The following BLZF1 variants were observed in gnomAD, a reference collection of about 807,000 sequenced individuals.
The protein encoded by BLZF1 is golgin-45.
BLZF1 carries 39 observed loss-of-function variants against 43.8 expected under a neutral mutation model. That is an observed-to-expected ratio of 0.89 (90% CI 0.69 to 1.16). BLZF1 has a LOEUF of 1.16. Ranked by LOEUF, BLZF1 falls within the 50% of genes most tolerant of loss-of-function variation. The pLI, the probability that BLZF1 is intolerant of heterozygous loss-of-function variation, is 0.00. For synonymous variants in BLZF1, 136 were observed against 159.4 expected (o/e 0.85, Z 1.11); for missense variants, 449 against 469.8 (o/e 0.96, Z 0.41).
chr1:169,372,256 G>C (rs555218840), intron 2 of BLZF1, among the ~76,000 whole-genome samples: 1 of 152,172 alleles, frequency 6.6e-6, no homozygotes, highest in Admixed American at 6.6e-5. Context: ...TCCCTAATTT[G>C]TTTAACTGTA....
chr1:169,378,899 G>A (rs959474962), intron 4 of BLZF1, among the ~76,000 whole-genome samples: 9 of 151,756 alleles, frequency 5.9e-5, no homozygotes, highest in African/African-American at 9.7e-5. Context: ...TTCTAAATGC[G>A]CTTTTCTCAT....
chr1:169,372,341 G>A (rs1267908907), intron 2 of BLZF1, among the ~76,000 whole-genome samples: 1 of 151,986 alleles, frequency 6.6e-6, no homozygotes, highest in African/African-American at 2.4e-5. Flanking sequence ...ATTTAGGGTA[G>A]AGGAAAAAAA....
rs372377326 is a variant in BLZF1, at chr1:169,376,545, G to A, written c.34G>A (p.Val12Ile). The A allele has an allele frequency of 1.6e-5, 26 of 1,589,986 alleles. No individual in the cohort carries two copies. Among genetic ancestry groups the A allele is most frequent in the Admixed American group, 1.1e-4 (6 of 53,580 alleles). The change falls in exon 3 of 7, where the codon GTT becomes ATT. Residue 12 changes from valine (V) to isoleucine (I), a missense_variant. By Grantham distance (29) the Val-to-Ile change is conservative. Coordinates refer to ENST00000367808, the MANE Select transcript of BLZF1 (RefSeq NM_001320973.2). ...TTKNLETKVT[V>I]TSSPIRGAGD... ...TTTTGTTTCCTTTTTGTTAGTCACC[G>A]TTACTTCATCCCCAATCCGAGGAGC...
intron 2 of BLZF1, among the ~76,000 whole-genome samples, chr1:169,370,310 G>A (rs540814807): frequency 6.6e-6 from 1 of 152,274 alleles, no homozygotes; most frequent in South Asian, 2.1e-4. Flanking sequence ...TGAGGTAGTG[G>A]GGGGTTAGTA....
intron 3 of BLZF1, chr1:169,377,437 CTT>C (rs923445659): frequency 1.9e-5 from 3 of 155,294 alleles, no homozygotes; most frequent in African/African-American, 7.2e-5. Flanking sequence ...AAGTGTGTTG[CTT>C]TAATCTTTGC....
At chr1:169,377,158 T>A in intron 3 of BLZF1, 179 bp downstream of exon 3, 1 of 625,600 alleles carries the variant, frequency 1.6e-6, no homozygotes, top group Non-Finnish European at 2.8e-6. Flanking sequence ...ATACTTTATA[T>A]TGGGAACTTA....
chr1:169,372,238 CAT>C (rs1352830617), intron 2 of BLZF1, among the ~76,000 whole-genome samples: 1 of 152,120 alleles, frequency 6.6e-6, no homozygotes, highest in Non-Finnish European at 1.5e-5. Flanking sequence ...AAAATTACCA[CAT>C]GACAATCCCT....
At chr1:169,376,051 A>G (rs1172089481) in intron 2 of BLZF1, among the ~76,000 whole-genome samples, 2 of 152,100 alleles carry the variant, frequency 1.3e-5, no homozygotes, top group Admixed American at 1.3e-4. Context: ...GGTGTAACAT[A>G]TATGTTGCTT....
Position 169,376,907 on chromosome 1 carries a change from G to A in BLZF1, c.396G>A (p.Lys132=), listed in dbSNP as rs1379018494. 1.2e-6 allele frequency: 2 copies of A among 1,613,160 alleles called. No homozygotes were observed. Among genetic ancestry groups the A allele is most frequent in the South Asian group, 1.1e-5 (1 of 91,060 alleles). ...ELSEVKNVLE[K]LKNSERRLLQ... is the part of the protein sequence containing the mutation. ...CAGAGGTAAAGAATGTATTGGAAAA[G>A]CTCAAGAATTCTGAAAGAAGGTTAC... is the stretch of plus-strand genomic sequence containing the variant. The change falls in exon 3 of 7, where the codon AAG becomes AAA. Residue 132 remains lysine, a synonymous_variant. Coordinates refer to ENST00000367808, the MANE Select transcript of BLZF1 (RefSeq NM_001320973.2).
intron 4 of BLZF1, among the ~76,000 whole-genome samples, chr1:169,379,711 G>T (rs564496204): frequency 6.6e-6 from 1 of 151,824 alleles, no homozygotes; most frequent in Non-Finnish European, 1.5e-5. Context: ...TTTTTCAGCC[G>T]ATTAACCATA....
chr1:169,390,316 A>C (rs1654787135), downstream of BLZF1, among the ~76,000 whole-genome samples: 1 of 152,110 alleles, frequency 6.6e-6, no homozygotes, highest in South Asian at 2.1e-4. Context: ...ACCCAATGTG[A>C]GAAGAAGGAA....
intron 2 of BLZF1, among the ~76,000 whole-genome samples, chr1:169,369,993 G>C (rs913097050): frequency 6.6e-6 from 1 of 152,144 alleles, no homozygotes; most frequent in Non-Finnish European, 1.5e-5. Flanking sequence ...CTCAGTTCTG[G>C]AGGCTAGAAG....
intron 3 of BLZF1, chr1:169,377,492 T>G (rs146646751): frequency 1.3e-5 from 2 of 152,726 alleles, no homozygotes; most frequent in East Asian, 3.9e-4. Context: ...GTTTCTCTAT[T>G]AGACCATGCA....
chr1:169,384,691 T>C (rs1654621266), intron 6 of BLZF1, among the ~76,000 whole-genome samples: 1 of 152,186 alleles, frequency 6.6e-6, no homozygotes. Context: ...ACACCTCTTT[T>C]GTTGCCCAAC....
intron 7 of BLZF1, among the ~76,000 whole-genome samples, chr1:169,393,567 A>T (rs12034986): frequency 0.54 from 79,686 of 148,034 alleles, 22,075 homozygotes; most frequent in Non-Finnish European, 0.6. Flanking sequence ...CCAGCCTGGG[A>T]GACTGTGAGA....
intron 4 of BLZF1, 26 bp downstream of exon 4, chr1:169,378,555 C>G: frequency 1.9e-6 from 3 of 1,602,714 alleles, no homozygotes; most frequent in Non-Finnish European, 2.6e-6. Flanking sequence ...AATAGTATTT[C>G]ACTTCCTAGT....
chr1:169,379,790 A>C (rs928462446), intron 4 of BLZF1, among the ~76,000 whole-genome samples: 2 of 152,044 alleles, frequency 1.3e-5, no homozygotes, highest in African/African-American at 4.8e-5. Flanking sequence ...TCCAATCAGT[A>C]GAAAACATGA....
chr1:169,395,281 T>C, intron 7 of BLZF1: 3 of 1,271,906 alleles, frequency 2.4e-6, no homozygotes, highest in East Asian at 2.7e-5. Flanking sequence ...GTTACTATTA[T>C]AGACAAAATA....
At chr1:169,380,435 G>T in intron 4 of BLZF1, 46 bp from the exon 5 acceptor site, 2 of 1,582,720 alleles carry the variant, frequency 1.3e-6, no homozygotes, top group Non-Finnish European at 1.7e-6. Context: ...TTTTTACACT[G>T]TATTATTGTC....
Sources: allele counts gnomAD v4.1 joint callset (sites outside exome capture counted in the v4.1 genomes callset), GRCh38; gene constraint gnomAD v4.1.1; transcripts MANE v1.5; gene names NCBI Gene and HGNC (gene_info 2026-07-23, HGNC 2026-07-21).